Variants in FRY observed in about 807,000 individuals in gnomAD.
The protein encoded by FRY is protein furry homolog.
FRY carries 128 observed loss-of-function variants against 348.4 expected under a neutral mutation model. The ratio of observed to expected loss-of-function variants is 0.37; its 90% CI spans 0.32 to 0.43. The LOEUF (loss-of-function observed/expected upper bound fraction) is 0.43, where lower values mean the gene tolerates loss of function less well. FRY is among the 20% of genes least tolerant of loss of function. FRY has a pLI of 1.00. For missense variants in FRY, 2,736 were observed against 3,695.2 expected (o/e 0.74, Z 6.73); for synonymous variants, 1,370 against 1,374.7 (o/e 1.00, Z 0.08).
chr13:32,266,308 G>C (rs1887923594), intron 54 of FRY, among the ~76,000 whole-genome samples: 1 of 152,188 alleles, frequency 6.6e-6, no homozygotes, highest in Non-Finnish European at 1.5e-5. Context: ...AACACCTAGA[G>C]AAGAATTTGA....
At chr13:32,268,495 AAAAAAAAAAAATATATATATAT>A (rs1184449835) in intron 55 of FRY, among the ~76,000 whole-genome samples, 36 of 15,154 alleles carry the variant, frequency 2.4e-3, no homozygotes, top group African/African-American at 5.9e-3. Context: ...TTAAAAAAAA[AAAAAAAAAAAATATATATATAT>A]ATATATATAT....
rs1446374094 is a variant in FRY at position 32,295,811 on chromosome 13, CA to C, written c.*355del. The C allele has an allele frequency of 1.1e-5, 3 of 263,472 alleles. No individual in the cohort carries two copies. Among genetic ancestry groups the C allele is most frequent in the African/African-American group, 6.5e-5 (3 of 45,900 alleles). The allele number at this position is 263,472 out of a possible 1,614,324, so 16.3% of individuals were successfully genotyped here. A position where few individuals can be genotyped will look rare whatever the true frequency, so the allele number is the denominator to read the frequency against. On this transcript the variant is annotated 3_prime_UTR_variant, in exon 61 of 61. Transcript: ENST00000542859. ...CTTTCTAGAAACAATTTTAGATTGG[CA>C]AAAGTGCAATGTTTTCTTCACTCAA...
chr13:32,090,756 T>G (rs1399522274), intron 2 of FRY, among the ~76,000 whole-genome samples: 9 of 152,190 alleles, frequency 5.9e-5, no homozygotes, highest in Admixed American at 5.9e-4. Context: ...GCTGCTCTTT[T>G]GTTCAATTAA....
chr13:32,206,156 G>A lies in FRY; in HGVS notation c.4019-2697G>A, dbSNP rs369890973. On this transcript the variant is annotated intron_variant, in intron 31 of 60. Coordinates refer to ENST00000542859, the MANE Select transcript of FRY (RefSeq NM_023037.3). ...GCTAGCAACTCACAGAAGGATGGAA[G>A]GGATTAGAGCCACGGGCATGGATGA... 7.9e-5 allele frequency among the ~76,000 whole-genome samples: 12 copies of A among 152,178 alleles called. No individual in the cohort carries two copies. In the East Asian group the frequency reaches 9.7e-4, roughly 12 times the overall value.
Position 32,118,757 on chromosome 13 carries a change from A to T in FRY, c.464+1284A>T, listed in dbSNP as rs547755695. On this transcript the variant is annotated intron_variant, in intron 4 of 60. Transcript: ENST00000542859. ...CTGTACCCATTAGCAGCCTCTCCTC[A>T]TGAATATTTTTTTAATTTATCAGGT... Among the ~76,000 whole-genome samples the T allele has an allele frequency of 2.6e-5, 4 of 152,262 alleles. No individual in the cohort carries two copies. The East Asian group carries it at 5.8e-4, about 22-fold the overall frequency.
In FRY at chr13:32,239,238, C is replaced by G; in HGVS notation, c.6419-14C>G. The G allele has an allele frequency of 6.7e-7, 1 of 1,488,236 alleles. No individual in the cohort carries two copies. Among genetic ancestry groups the G allele is most frequent in the Non-Finnish European group, 9.4e-7 (1 of 1,065,254 alleles). 92.2% of individuals were successfully genotyped at this position (1,488,236 alleles called of 1,614,324 possible). On this transcript the variant is annotated splice_polypyrimidine_tract_variant and intron_variant, in intron 44 of 60. Transcript: ENST00000542859. The surrounding 1 kb of genome is among the most constrained non-coding windows in gnomAD (Gnocchi z 4.3). Reference sequence around the variant, plus strand: ...CCATATTCAGCTATCTCCATTGTATCTTCTCTAATCCAGGGTTTCCACTGA... The same window carrying G: ...CCATATTCAGCTATCTCCATTGTATGTTCTCTAATCCAGGGTTTCCACTGA...
In FRY at chr13:32,178,228, A is replaced by T. The variant is rs1358208631; in HGVS notation, c.2473A>T (p.Asn825Tyr). 6.2e-7 allele frequency: 1 copy of T among 1,614,080 alleles called. No homozygotes were observed. The highest frequency in any genetic ancestry group is 8.5e-7 in the Non-Finnish European group (1 of 1,180,006). ...GGATCTGCAGTGGTTGGTGGAATGG[A>T]ACGCAGTCCTGGTCAATAGCCATTA... ...NVDLQWLVEWNAVLVNSHYDV... is the reference protein window; with the variant it reads ...NVDLQWLVEWYAVLVNSHYDV... The change falls in exon 21 of 61, where the codon AAC becomes TAC. Residue 825 changes from asparagine (N) to tyrosine (Y), a missense_variant. Asn to Tyr is a moderately radical substitution (Grantham distance 143). Coordinates refer to ENST00000542859, the MANE Select transcript of FRY (RefSeq NM_023037.3).
intron 59 of FRY, among the ~76,000 whole-genome samples, chr13:32,291,369 A>C (rs1446490214): frequency 6.6e-6 from 1 of 151,286 alleles, no homozygotes; most frequent in Non-Finnish European, 1.5e-5. Flanking sequence ...TATTTGCCAC[A>C]TGGTCAAGAT....
chr13:32,101,955 C>G lies in FRY; in HGVS notation c.271-8C>G. The G allele has an allele frequency of 7.0e-7, 1 of 1,431,640 alleles. No homozygotes were observed. The highest frequency in any genetic ancestry group is 9.9e-7 in the Non-Finnish European group (1 of 1,013,968). The allele number at this position is 1,431,640 out of a possible 1,614,324, so 88.7% of individuals were successfully genotyped here. On this transcript the variant is annotated splice_region_variant and splice_polypyrimidine_tract_variant and intron_variant, in intron 2 of 60. Transcript: ENST00000542859. ...AATTATTCTTGCATATATTCTTTTTCTTTCTAGGAAAAGCCATTGACAAAA... is the reference window on the plus strand; with the variant it reads ...AATTATTCTTGCATATATTCTTTTTGTTTCTAGGAAAAGCCATTGACAAAA...
At chr13:32,233,354 A>T (rs1298421864) in intron 41 of FRY, among the ~76,000 whole-genome samples, 1 of 152,130 alleles carries the variant, frequency 6.6e-6, no homozygotes, top group African/African-American at 2.4e-5. Context: ...CAGTCCTCCT[A>T]CCCTTGTAGT....
chr13:32,165,518 A>T (rs1215969322), intron 17 of FRY, among the ~76,000 whole-genome samples: 1 of 152,136 alleles, frequency 6.6e-6, no homozygotes. Context: ...CCTGGTGGTG[A>T]ACAGTCCACC....
At chr13:32,179,940 T>G in intron 23 of FRY, 141 bp downstream of exon 23, 1 of 800,788 alleles carries the variant, frequency 1.2e-6, no homozygotes, top group Non-Finnish European at 2.1e-6. Context: ...CTACATCGTC[T>G]TGGTTGATGT....
In FRY at chr13:32,236,277, A is replaced by G. The variant is rs540968147; in HGVS notation, c.5810+105A>G. On this transcript the variant is annotated intron_variant, in intron 43 of 60. Coordinates refer to ENST00000542859, the MANE Select transcript of FRY (RefSeq NM_023037.3). ...TACAAAGAAAAAATCTAGTTTTTGA[A>G]GTATATTTATGACCTGAAAAAGTAT... The G allele has an allele frequency of 4.6e-6, 4 of 861,584 alleles. No homozygotes were observed. In the South Asian group the frequency reaches 5.7e-5, roughly 12 times the overall value. 53.4% of individuals were successfully genotyped at this position (861,584 alleles called of 1,614,324 possible).
rs1884732177 is a variant in FRY, at chr13:32,212,297, A to G, written c.4597A>G (p.Thr1533Ala). ...TCTTCCATTCCCATCTACAGGAACC[A>G]CCTCTAGCAGCAATACAGTGGTTGC... ...SKASAAASGT[T>A]SSSNTVVAGQ... Residue 1533 changes from threonine to alanine, a missense_variant, in exon 35 of 61, where the codon ACC becomes GCC. Physicochemically the swap from Thr to Ala is moderately conservative, Grantham distance 58. Around this residue, in one of 9 missense-constraint regions of FRY, gnomAD observed 794 missense variants for 977.0 expected, o/e 0.81. Transcript: ENST00000542859. 1 of 1,599,346 alleles carries G rather than the reference A, an allele frequency of 6.3e-7. No individual in the cohort carries two copies. Among genetic ancestry groups the G allele is most frequent in the Non-Finnish European group, 8.6e-7 (1 of 1,167,646 alleles).
chr13:32,255,930 G>A (rs549643138), intron 51 of FRY, among the ~76,000 whole-genome samples: 17 of 152,272 alleles, frequency 1.1e-4, no homozygotes, highest in Non-Finnish European at 2.9e-5. Context: ...GGGAAAAAAC[G>A]GATGAAGCAA....
At chr13:32,289,136 A>G (rs1169392363) in intron 58 of FRY, among the ~76,000 whole-genome samples, 2 of 152,192 alleles carry the variant, frequency 1.3e-5, no homozygotes, top group African/African-American at 4.8e-5. Context: ...TTCAACAAGT[A>G]TTTACTGAGC....
At chr13:32,157,249 A>G (rs752895950) in intron 15 of FRY, 24 bp from the exon 16 acceptor site, 3 of 1,601,980 alleles carry the variant, frequency 1.9e-6, no homozygotes, top group Admixed American at 3.3e-5. Flanking sequence ...AGTTGAAGGT[A>G]TAACTATAAT....
At chr13:32,286,136 A>G (rs206093) in intron 58 of FRY, among the ~76,000 whole-genome samples, 43,329 of 152,054 alleles carry the variant, frequency 0.28, 6,407 homozygotes, top group African/African-American at 0.31. Context: ...CAGTCCTTTA[A>G]TTACATTTGT....
chr13:32,044,160 A>G (rs1872893067), intron 1 of FRY, among the ~76,000 whole-genome samples: 1 of 152,262 alleles, frequency 6.6e-6, no homozygotes. Context: ...ATGCTATCCA[A>G]CAATAGTAGA....
Sources: allele counts gnomAD v4.1 joint callset (sites outside exome capture counted in the v4.1 genomes callset), GRCh38; gene constraint gnomAD v4.1.1; regional missense constraint gnomAD v4.1.1; non-coding constraint Gnocchi (gnomAD v3.1); transcripts MANE v1.5; gene names NCBI Gene and HGNC (gene_info 2026-07-23, HGNC 2026-07-21).